The following DENND4C variants were observed in gnomAD, a reference collection of about 807,000 sequenced individuals.
DENND4C encodes DENN domain-containing protein 4C.
Under a neutral mutation model 203.0 loss-of-function variants are expected in DENND4C, and 108 were observed. That is an observed-to-expected ratio of 0.53 (90% CI 0.46 to 0.62). The LOEUF is 0.62. Ranked by LOEUF, DENND4C falls within the 20% of genes least tolerant of loss-of-function variation. The pLI is 0.00. For synonymous variants in DENND4C, 871 were observed against 792.4 expected (o/e 1.10, Z -1.67); for missense variants, 2,481 against 2,301.2 (o/e 1.08, Z -1.60).
At chr9:19,297,584 A>G (rs1756979176) in intron 6 of DENND4C, among the ~76,000 whole-genome samples, 1 of 152,166 alleles carries the variant, frequency 6.6e-6, no homozygotes, top group Non-Finnish European at 1.5e-5. Flanking sequence ...TTGCGTTTTT[A>G]TGGCTCCTAA....
intron 26 of DENND4C, among the ~76,000 whole-genome samples, chr9:19,353,047 G>T (rs1472484568): frequency 1.3e-5 from 2 of 152,216 alleles, no homozygotes; most frequent in African/African-American, 4.8e-5. Context: ...GACATAGGAG[G>T]ATCGCGTGAG....
rs140785720 is a variant in DENND4C at position 19,326,147 on chromosome 9, G to A, written c.2073G>A (p.Pro691=). ...QKSEHTVFIM[P]PEPPPDDGKD... is the part of the protein sequence containing the mutation. ...GTGAGCATACTGTATTTATAATGCC[G>A]CCAGAGCCACCTCCTGATGATGGAA... is the stretch of plus-strand genomic sequence containing the variant. The change falls in exon 15 of 33, where the codon CCG becomes CCA. Residue 691 remains proline, a synonymous_variant. Transcript: ENST00000434457. 80 of 1,613,092 alleles carry A rather than the reference G, an allele frequency of 5.0e-5. No individual in the cohort carries two copies. Among genetic ancestry groups the A allele is most frequent in the African/African-American group, 1.7e-4 (13 of 74,878 alleles).
chr9:19,320,563 C>G (rs1351736228), intron 12 of DENND4C, among the ~76,000 whole-genome samples: 1 of 152,182 alleles, frequency 6.6e-6, no homozygotes. Flanking sequence ...AGTTACATTT[C>G]AAGTGCTAAA....
At chr9:19,273,278 G>A (rs1262359071) in intron 1 of DENND4C, among the ~76,000 whole-genome samples, 1 of 151,754 alleles carries the variant, frequency 6.6e-6, no homozygotes. Flanking sequence ...TAGAGATGGG[G>A]TTTCACCATG....
At chr9:19,371,563 AGC>A in intron 31 of DENND4C, 191 bp from the exon 32 acceptor site, 2 of 381,030 alleles carry the variant, frequency 5.2e-6, no homozygotes, top group Non-Finnish European at 9.5e-6. Context: ...AATTCAATGT[AGC>A]CTTCACACAG....
rs1554645961 is a variant in DENND4C at position 19,369,777 on chromosome 9, A to AT, written c.5525-60_5525-59insT. On this transcript the variant is annotated intron_variant, in intron 30 of 32. Transcript: ENST00000434457. ...GTGAGATGTTGTCTCAAAAAAAAAA[A>AT]AATAATAATAATAATAATAGTAATA... 2,949 of 937,316 alleles carry AT rather than the reference A, an allele frequency of 3.1e-3. 4 individuals are homozygous for AT. Among genetic ancestry groups the AT allele is most frequent in the African/African-American group, 7.2e-3 (404 of 56,118 alleles). 58.1% of individuals were successfully genotyped at this position (937,316 alleles called of 1,614,324 possible).
At chr9:19,281,195 A>G (rs1022576908) in intron 2 of DENND4C, among the ~76,000 whole-genome samples, 1 of 152,106 alleles carries the variant, frequency 6.6e-6, no homozygotes, top group Non-Finnish European at 1.5e-5. Context: ...AGGTGCTTTC[A>G]GATTGCAAGT....
At chr9:19,281,834 C>T (rs1353222989) in intron 2 of DENND4C, among the ~76,000 whole-genome samples, 1 of 152,156 alleles carries the variant, frequency 6.6e-6, no homozygotes, top group Non-Finnish European at 1.5e-5. Flanking sequence ...CAGCATGTTA[C>T]TGGGGTAATA....
At chr9:19,320,840 C>G (rs1842761727) in intron 12 of DENND4C, among the ~76,000 whole-genome samples, 1 of 152,178 alleles carries the variant, frequency 6.6e-6, no homozygotes, top group South Asian at 2.1e-4. Context: ...CTGATCATTG[C>G]CTGGATCCAC....
chr9:19,300,482 A>C (rs1838333583), intron 9 of DENND4C, 151 bp downstream of exon 9: 2 of 649,838 alleles, frequency 3.1e-6, no homozygotes, highest in Non-Finnish European at 4.6e-6. Flanking sequence ...AGTTGAATAT[A>C]ATCTGCTGGC....
chr9:19,334,944 T>C (rs1820101803), intron 17 of DENND4C, 33 bp from the exon 18 acceptor site: 2 of 1,567,052 alleles, frequency 1.3e-6, no homozygotes, highest in Admixed American at 2.0e-5. Flanking sequence ...ATTAGTATAC[T>C]AATTACTGAC....
rs116349492 is a variant in DENND4C at position 19,330,667 on chromosome 9, A to T, written c.2254-1311A>T. Among the ~76,000 whole-genome samples, 610 of 152,074 alleles carry T rather than the reference A, an allele frequency of 4.0e-3. 3 individuals carry two copies. Among genetic ancestry groups the T allele is most frequent in the African/African-American group, 0.014 (588 of 41,496 alleles). ...GATTTTTTTATTTAGAACATAGACT[A>T]GCAAGGAATCTTCAGTGCAGAGCAT... is the stretch of plus-strand genomic sequence containing the variant. On this transcript the variant is annotated intron_variant, in intron 16 of 32. Coordinates refer to ENST00000434457, the MANE Select transcript of DENND4C (RefSeq NM_001330640.2).
intron 2 of DENND4C, among the ~76,000 whole-genome samples, chr9:19,282,471 C>G (rs1296325122): frequency 1.3e-5 from 2 of 149,918 alleles, no homozygotes; most frequent in Non-Finnish European, 3.0e-5. Flanking sequence ...CCAGGCTGCT[C>G]TGGAACACCT....
Position 19,324,451 on chromosome 9 carries a change from A to G in DENND4C, c.1897A>G (p.Ser633Gly). 6.2e-7 allele frequency: 1 copy of G among 1,612,822 alleles called. No individual in the cohort carries two copies. The highest frequency in any genetic ancestry group is 8.5e-7 in the Non-Finnish European group (1 of 1,179,600). The change falls in exon 13 of 33, where the codon AGT (serine) becomes GGT (glycine). Residue 633 changes from serine (S) to glycine (G), a missense_variant. Ser to Gly is a moderately conservative substitution (Grantham distance 56). This residue lies in a region of DENND4C where 2,289 missense variants were observed against 2,113.3 expected (regional missense o/e 1.08). Coordinates refer to ENST00000434457, the MANE Select transcript of DENND4C (RefSeq NM_001330640.2). Reference protein sequence around the residue: ...QIFIRFIEECSFVSDKDTGLA... With the variant: ...QIFIRFIEECGFVSDKDTGLA... Reference sequence around the variant, plus strand: ...TTTTATTCGTTTCATTGAAGAATGCAGTTTTGTAAGTGATAAAGATACTGG... The same window carrying G: ...TTTTATTCGTTTCATTGAAGAATGCGGTTTTGTAAGTGATAAAGATACTGG...
rs895452076 is a variant in DENND4C, at chr9:19,373,112, T to G, written c.*939T>G. 3.3e-5 allele frequency: 5 copies of G among 152,200 alleles called. No homozygotes were observed. Among genetic ancestry groups the G allele is most frequent in the Non-Finnish European group, 5.9e-5 (4 of 68,030 alleles). The allele number at this position is 152,200 out of a possible 1,614,324, so 9.4% of individuals were successfully genotyped here. On this transcript the variant is annotated 3_prime_UTR_variant, in exon 33 of 33. Transcript: ENST00000434457. ...ACAGCTGCCTTCCCTAACTTTAATG[T>G]ATTAGGTTGGCACAAAATTAATTGT...
intron 1 of DENND4C, among the ~76,000 whole-genome samples, chr9:19,274,002 C>T (rs577734379): frequency 1.3e-5 from 2 of 152,052 alleles, no homozygotes; most frequent in South Asian, 4.1e-4. Flanking sequence ...GGGAAATAAC[C>T]TAAATGTCCA....
At chr9:19,242,061 C>G (rs1438549663) in intron 1 of DENND4C, among the ~76,000 whole-genome samples, 4 of 152,120 alleles carry the variant, frequency 2.6e-5, no homozygotes, top group Non-Finnish European at 1.5e-5. Context: ...TGAGATTATT[C>G]TATTTCAGCT....
Position 19,328,171 on chromosome 9 carries a change from T to C in DENND4C, c.2253+9T>C. On this transcript the variant is annotated intron_variant, in intron 16 of 32. Transcript: ENST00000434457. ...CTAAGAGAACTAAACAGGTCAGATA[T>C]TCTTTATCTAATACATGTTCATTTA... 2 of 1,598,196 alleles carry C rather than the reference T, an allele frequency of 1.3e-6. No individual in the cohort carries two copies. The highest frequency in any genetic ancestry group is 8.5e-7 in the Non-Finnish European group (1 of 1,175,222).
At chr9:19,298,589 A>G (rs922681611) in intron 7 of DENND4C, among the ~76,000 whole-genome samples, 1 of 152,290 alleles carries the variant, frequency 6.6e-6, no homozygotes, top group Middle Eastern at 3.4e-3. Context: ...CAACATGAAC[A>G]GGTCTATATC....
Sources: allele counts gnomAD v4.1 joint callset (sites outside exome capture counted in the v4.1 genomes callset), GRCh38; gene constraint gnomAD v4.1.1; regional missense constraint gnomAD v4.1.1; transcripts MANE v1.5; gene names NCBI Gene and HGNC (gene_info 2026-07-23, HGNC 2026-07-21).